The following KLHL26 variants were observed in gnomAD, a reference collection of about 807,000 sequenced individuals.
KLHL26 encodes the protein kelch like family member 26.
A neutral mutation model predicts 7.1 loss-of-function variants in KLHL26; 4 were observed. The ratio of observed to expected loss-of-function variants is 0.56; its 90% confidence interval spans 0.28 to 1.28. KLHL26 has a LOEUF of 1.28. KLHL26 is among the 50% of genes most tolerant of loss of function. The probability of loss-of-function intolerance (pLI) is 0.11; values close to 1 mark genes in which losing one functional copy is unlikely to be tolerated. For synonymous variants in KLHL26, 465 were observed against 414.1 expected, an observed-to-expected ratio of 1.12 and a Z score of -1.49; for missense variants, 896 against 924.6, an observed-to-expected ratio of 0.97 and a Z score of 0.40.
At chr19:18,654,568 T>C (rs2052308430) in intron 1 of KLHL26, among the ~76,000 whole-genome samples, 1 of 149,996 alleles carries the variant, frequency 6.7e-6, no homozygotes. Context: ...CATCCATCCA[T>C]CTACCCACCC....
At position 18,668,875 on chromosome 19, in the gene KLHL26, C is replaced by T. The variant is rs1378573817; in HGVS notation, c.1478C>T (p.Pro493Leu). The T allele has an allele frequency of 1.3e-6, 2 of 1,595,630 alleles. No individual in the cohort carries two copies. Among genetic ancestry groups the T allele is most frequent in the Non-Finnish European group, 8.5e-7 (1 of 1,176,360 alleles). The change falls in exon 3 of 3, where the codon CCC (proline) becomes CTC (leucine). Residue 493 changes from proline (P) to leucine (L), a missense_variant. By Grantham distance (98) the Pro-to-Leu change is moderately conservative. Transcript: ENST00000300976. The part of the protein sequence containing the change: ...PVADQWEFKA[P>L]MSEPRVLHAM... ...GCCGACCAGTGGGAGTTCAAGGCGC[C>T]CATGAGCGAACCCCGCGTGCTACAC...
intron 1 of KLHL26, among the ~76,000 whole-genome samples, chr19:18,642,544 A>G (rs1022481181): frequency 6.6e-5 from 10 of 151,110 alleles, no homozygotes; most frequent in Admixed American, 3.3e-4. Flanking sequence ...TTGTATTTTT[A>G]GTAGAGGTGG....
In KLHL26 at chr19:18,650,310, G is replaced by A. The variant is rs1488786699; in HGVS notation, c.83+13173G>A. Reference sequence around the variant, plus strand: ...GTGATCACCCAGATCGTCTGAGAGCGGGACATTTTCCCGGAGCGGGGTGGA... The same window carrying A: ...GTGATCACCCAGATCGTCTGAGAGCAGGACATTTTCCCGGAGCGGGGTGGA... On this transcript the variant is annotated intron_variant, in intron 1 of 2. Coordinates refer to ENST00000300976, the MANE Select transcript of KLHL26 (RefSeq NM_018316.3). The surrounding 1 kb of genome is among the most constrained non-coding windows in gnomAD (Gnocchi z 4.2). 2.0e-5 allele frequency among the ~76,000 whole-genome samples: 3 copies of A among 152,202 alleles called. No homozygotes were observed. Among genetic ancestry groups the A allele is most frequent in the Non-Finnish European group, 2.9e-5 (2 of 68,032 alleles).
At chr19:18,665,445 C>T (rs1246776015) in intron 2 of KLHL26, among the ~76,000 whole-genome samples, 1 of 152,238 alleles carries the variant, frequency 6.6e-6, no homozygotes, top group Non-Finnish European at 1.5e-5. Flanking sequence ...GGGCACAAGC[C>T]CCTGCCCTCA....
In KLHL26 at chr19:18,668,205, A is replaced by G. The variant is rs2052476118; in HGVS notation, c.808A>G (p.Ile270Val). The G allele has an allele frequency of 1.2e-6, 2 of 1,611,652 alleles. No individual in the cohort carries two copies. Among genetic ancestry groups the G allele is most frequent in the South Asian group, 1.1e-5 (1 of 91,074 alleles). Reference protein sequence around the residue: ...ELVDSVQTLDIMVEDVLCRQY... With the variant: ...ELVDSVQTLDVMVEDVLCRQY... ...GGTGGACAGCGTGCAGACGCTGGAC[A>G]TCATGGTGGAGGACGTGCTGTGCCG... Residue 270 changes from isoleucine (I) to valine (V), a missense_variant, in exon 3 of 3, where the codon ATC becomes GTC. Transcript: ENST00000300976.
At chr19:18,653,494 C>G (rs1279965582) in intron 1 of KLHL26, among the ~76,000 whole-genome samples, 1 of 134,552 alleles carries the variant, frequency 7.4e-6, no homozygotes, top group Non-Finnish European at 1.6e-5. Flanking sequence ...CCATGCCACC[C>G]ACCCTTCCAT....
At chr19:18,644,939 C>T (rs570615838) in intron 1 of KLHL26, among the ~76,000 whole-genome samples, 5 of 152,280 alleles carry the variant, frequency 3.3e-5, no homozygotes, top group Admixed American at 2.6e-4. Context: ...CGACCGCCCC[C>T]AACGTTATAT....
rs2052505601 is a variant in KLHL26, at chr19:18,669,674, C to T, written c.*429C>T. The T allele has an allele frequency of 6.9e-6, 2 of 288,572 alleles. No homozygotes were observed. The highest frequency in any genetic ancestry group is 2.2e-5 in the African/African-American group (1 of 45,884). 17.9% of individuals were successfully genotyped at this position (288,572 alleles called of 1,614,324 possible). ...CCCAAAGTCGGTGGTATATGACTCA[C>T]CCTCCTTCCAAGTCTCCTGCGCGCG... On this transcript the variant is annotated 3_prime_UTR_variant, in exon 3 of 3. Coordinates refer to ENST00000300976, the MANE Select transcript of KLHL26 (RefSeq NM_018316.3).
chr19:18,668,278 A>G lies in KLHL26; in HGVS notation c.881A>G (p.Gln294Arg). Residue 294 changes from glutamine (Q) to arginine (R), a missense_variant, in exon 3 of 3, where the codon CAG (glutamine) becomes CGG (arginine). Transcript: ENST00000300976. The stretch of plus-strand genomic sequence containing the variant: ...AACTACCAGGTGCTGCCCTTCCGGC[A>G]GCACGAGATGCAGTCTCCGCGCACC... ...AFNYQVLPFRQHEMQSPRTAV... is the reference protein window; with the variant it reads ...AFNYQVLPFRRHEMQSPRTAV... 1.2e-6 allele frequency: 2 copies of G among 1,611,972 alleles called. No individual in the cohort carries two copies. Among genetic ancestry groups the G allele is most frequent in the African/African-American group, 1.3e-5 (1 of 75,060 alleles).
At chr19:18,639,000 A>G (rs956297340) in intron 1 of KLHL26, among the ~76,000 whole-genome samples, 3 of 152,144 alleles carry the variant, frequency 2.0e-5, no homozygotes, top group African/African-American at 7.2e-5. Flanking sequence ...CATGCTGGGC[A>G]TGGCTCTTTT....
chr19:18,667,642 A>C (rs2052463293), intron 2 of KLHL26, 22 bp from the exon 3 acceptor site: 3 of 1,595,966 alleles, frequency 1.9e-6, no homozygotes, highest in Non-Finnish European at 1.7e-6. Flanking sequence ...TGCCAGCCAC[A>C]CGTTGTGTTT....
chr19:18,642,201 C>T (rs565413725), intron 1 of KLHL26, among the ~76,000 whole-genome samples: 1 of 152,228 alleles, frequency 6.6e-6, no homozygotes, highest in South Asian at 2.1e-4. Context: ...GCCTGGAGCA[C>T]GACCCACCTC....
chr19:18,663,068 G>A (rs537059943), intron 1 of KLHL26, among the ~76,000 whole-genome samples: 13 of 152,316 alleles, frequency 8.5e-5, no homozygotes, highest in Non-Finnish European at 1.6e-4. Context: ...CCAGATGACC[G>A]TGGCATTGGG....
chr19:18,664,349 G>C lies in KLHL26; in HGVS notation c.172G>C (p.Ala58Pro). 6.2e-7 allele frequency: 1 copy of C among 1,609,692 alleles called. No individual in the cohort carries two copies. Among genetic ancestry groups the C allele is most frequent in the South Asian group, 1.1e-5 (1 of 91,074 alleles). The change falls in exon 2 of 3, where the codon GCT becomes CCT. Residue 58 changes from alanine (A) to proline (P), a missense_variant. Coordinates refer to ENST00000300976, the MANE Select transcript of KLHL26 (RefSeq NM_018316.3). Reference protein sequence around the residue: ...SLLQGLATLRAQGQLLDVVLT... With the variant: ...SLLQGLATLRPQGQLLDVVLT... ...CCTGCAGGGCCTGGCCACCCTCCGC[G>C]CTCAGGGCCAGCTCCTCGATGTTGT...
At chr19:18,666,709 C>A (rs967565739) in intron 2 of KLHL26, among the ~76,000 whole-genome samples, 1 of 152,194 alleles carries the variant, frequency 6.6e-6, no homozygotes, top group Admixed American at 6.5e-5. Context: ...ACAGCAGTCA[C>A]CCCAGCACAG....
intron 1 of KLHL26, among the ~76,000 whole-genome samples, chr19:18,647,988 C>T (rs764272984): frequency 1.4e-4 from 21 of 152,182 alleles, no homozygotes; most frequent in Non-Finnish European, 2.4e-4. Flanking sequence ...TAGAGAACGT[C>T]GTGCGGTCAT....
At chr19:18,667,437 C>G (rs1358573764) in intron 2 of KLHL26, 2 of 636,384 alleles carry the variant, frequency 3.1e-6, no homozygotes, top group Non-Finnish European at 5.3e-6. Flanking sequence ...ATCTCCTGAT[C>G]TCATGATCCA....
intron 1 of KLHL26, among the ~76,000 whole-genome samples, chr19:18,661,582 C>T (rs2052392278): frequency 6.6e-6 from 1 of 152,160 alleles, no homozygotes; most frequent in Admixed American, 6.5e-5. Flanking sequence ...GCGTCAGCCT[C>T]CTCACCCATC....
chr19:18,668,509 T>A lies in KLHL26; in HGVS notation c.1112T>A (p.Leu371Gln), dbSNP rs1263045227. The A allele has an allele frequency of 1.2e-6, 2 of 1,603,776 alleles. No individual in the cohort carries two copies. The highest frequency in any genetic ancestry group is 8.5e-7 in the Non-Finnish European group (1 of 1,177,032). ...GTGTACGTGGCCGGGGGGCAGCACC[T>A]GCAGTACCGCAGCGGCGAGGGCGCA... ...NFVYVAGGQHLQYRSGEGAVD... is the reference protein window; with the variant it reads ...NFVYVAGGQHQQYRSGEGAVD... The change falls in exon 3 of 3, where the codon CTG (leucine) becomes CAG (glutamine). Residue 371 changes from leucine to glutamine, a missense_variant. Transcript: ENST00000300976.
Sources: allele counts gnomAD v4.1 joint callset (sites outside exome capture counted in the v4.1 genomes callset), GRCh38; gene constraint gnomAD v4.1.1; non-coding constraint Gnocchi (gnomAD v3.1); transcripts MANE v1.5; gene names NCBI Gene and HGNC (gene_info 2026-07-23, HGNC 2026-07-21).